The following CNPPD1 variants were observed in gnomAD, a reference collection of about 807,000 sequenced individuals.
The protein encoded by CNPPD1 is cyclin Pas1/PHO80 domain containing 1, also known as protein CNPPD1.
Under a neutral mutation model 43.7 loss-of-function variants are expected in CNPPD1, and 40 were observed. That is an observed-to-expected ratio of 0.92 (90% confidence interval 0.71 to 1.19). CNPPD1 has a LOEUF of 1.19. CNPPD1 is among the 50% of genes most tolerant of loss of function. The probability of loss-of-function intolerance (pLI) is 0.00; values close to 1 mark genes in which losing one functional copy is unlikely to be tolerated. For missense variants in CNPPD1, 511 were observed against 518.5 expected (o/e 0.99, Z 0.14); for synonymous variants, 208 against 214.3 (o/e 0.97, Z 0.26).
At chr2:219,174,300 T>G (rs912579532) in intron 5 of CNPPD1, 93 bp from the exon 6 acceptor site, 1 of 1,240,682 alleles carries the variant, frequency 8.1e-7, no homozygotes, top group Non-Finnish European at 1.2e-6. Context: ...ACCGCCCCTA[T>G]GGCTAATGCA....
Position 219,175,023 on chromosome 2 carries a change from G to A in CNPPD1, c.346C>T (p.His116Tyr). 1.2e-6 allele frequency: 2 copies of A among 1,614,092 alleles called. No homozygotes were observed. The highest frequency in any genetic ancestry group is 1.7e-6 in the Non-Finnish European group (2 of 1,180,034). The change falls in exon 4 of 8, where the codon CAT (histidine) becomes TAT (tyrosine). Residue 116 changes from histidine (H) to tyrosine (Y), a missense_variant. Transcript: ENST00000360507. ...LRHRNPDYLQ[H>Y]VSSSDLFLIS... ...AGGAACAAGTCAGAGGATGACACAT[G>A]CTGCAAGTAGTCTGGGTTTCGGTGC...
chr2:219,173,810 T>TCTTA (rs1248142744), intron 6 of CNPPD1, among the ~76,000 whole-genome samples: 1 of 152,250 alleles, frequency 6.6e-6, no homozygotes, highest in East Asian at 1.9e-4. Context: ...ATCTGGCTAG[T>TCTTA]ATTTTTTTCT....
At position 219,175,056 on chromosome 2, in the gene CNPPD1, G is replaced by A. The variant is rs551627689; in HGVS notation, c.313C>T (p.Arg105Trp). Reference sequence around the variant, plus strand: ...TAGTCTGGGTTTCGGTGCCGGAGCCGTTCAATGTACACCAGAGCCAGCATC... The same window carrying A: ...TAGTCTGGGTTTCGGTGCCGGAGCCATTCAATGTACACCAGAGCCAGCATC... Reference protein sequence around the residue: ...AMMLALVYIERLRHRNPDYLQ... With the variant: ...AMMLALVYIEWLRHRNPDYLQ... Residue 105 changes from arginine (R) to tryptophan (W), a missense_variant, in exon 4 of 8, where the codon CGG becomes TGG. Coordinates refer to ENST00000360507, the MANE Select transcript of CNPPD1 (RefSeq NM_015680.6). The A allele has an allele frequency of 3.8e-5, 61 of 1,613,136 alleles. No individual in the cohort carries two copies. Among genetic ancestry groups the A allele is most frequent in the Non-Finnish European group, 4.8e-5 (57 of 1,179,836 alleles).
At position 219,172,064 on chromosome 2, in the gene CNPPD1, G is replaced by A. The variant is rs1358547644; in HGVS notation, c.*522C>T. On this transcript the variant is annotated 3_prime_UTR_variant, in exon 8 of 8. Transcript: ENST00000360507. ...AGAAGACTGGAAGACAAAAGATCAGGGTTGAAGGTCCCAGCAGTCCTTGGC... is the reference window on the plus strand; with the variant it reads ...AGAAGACTGGAAGACAAAAGATCAGAGTTGAAGGTCCCAGCAGTCCTTGGC... The A allele has an allele frequency of 6.2e-6, 1 of 161,220 alleles. No individual in the cohort carries two copies. The highest frequency in any genetic ancestry group is 2.4e-5 in the African/African-American group (1 of 41,470). 10.0% of individuals were successfully genotyped at this position (161,220 alleles called of 1,614,324 possible).
intron 6 of CNPPD1, among the ~76,000 whole-genome samples, chr2:219,173,919 G>A (rs1274841140): frequency 2.6e-5 from 4 of 152,158 alleles, no homozygotes; most frequent in African/African-American, 7.2e-5. Context: ...TAGGATTATA[G>A]ACATAACTAC....
chr2:219,175,804 G>C (rs968808500), intron 2 of CNPPD1, 132 bp from the exon 3 acceptor site: 16 of 731,140 alleles, frequency 2.2e-5, no homozygotes, highest in African/African-American at 3.5e-5. Context: ...TAACAAAATA[G>C]AGATCAAATT....
chr2:219,175,060 A>C lies in CNPPD1; in HGVS notation c.309T>G (p.Ile103Met), dbSNP rs115111482. ...CTGGGTTTCGGTGCCGGAGCCGTTC[A>C]ATGTACACCAGAGCCAGCATCATAG... is the stretch of plus-strand genomic sequence containing the variant. ...PCAMMLALVY[I>M]ERLRHRNPDY... Residue 103 changes from isoleucine to methionine, a missense_variant, in exon 4 of 8, where the codon ATT (isoleucine) becomes ATG (methionine). By Grantham distance (10) the Ile-to-Met change is conservative. Transcript: ENST00000360507. 2.0e-5 allele frequency: 33 copies of C among 1,613,170 alleles called. No individual in the cohort carries two copies. Among genetic ancestry groups the C allele is most frequent in the Non-Finnish European group, 2.7e-5 (32 of 1,179,824 alleles).
In CNPPD1 at chr2:219,174,917, A is replaced by G; in HGVS notation, c.382-11T>C. ...CTTACTGGCCACCATCTGCAGAGGA[A>G]CCAGAAGTGGTGGAGCAGAGCTCAT... On this transcript the variant is annotated splice_polypyrimidine_tract_variant and intron_variant, in intron 4 of 7. Coordinates refer to ENST00000360507, the MANE Select transcript of CNPPD1 (RefSeq NM_015680.6). 2 of 1,614,128 alleles carry G rather than the reference A, an allele frequency of 1.2e-6. No individual in the cohort carries two copies. Among genetic ancestry groups the G allele is most frequent in the South Asian group, 2.2e-5 (2 of 91,072 alleles).
rs1950087133 is a variant in CNPPD1, at chr2:219,172,581, C to T, written c.*5G>A. On this transcript the variant is annotated 3_prime_UTR_variant, in exon 8 of 8. Transcript: ENST00000360507. Reference sequence around the variant, plus strand: ...ACCCTCTTAATGCATTCCTCACAGCCCTACCTAGCCTGGGAAAACGAAAGA... The same window carrying T: ...ACCCTCTTAATGCATTCCTCACAGCTCTACCTAGCCTGGGAAAACGAAAGA... 7 of 1,613,908 alleles carry T rather than the reference C, an allele frequency of 4.3e-6. No homozygotes were observed. The highest frequency in any genetic ancestry group is 5.9e-6 in the Non-Finnish European group (7 of 1,179,954).
At chr2:219,178,125 G>A, upstream of CNPPD1, 1 of 272,772 alleles carries the variant, frequency 3.7e-6, no homozygotes, top group Non-Finnish European at 6.8e-6. Flanking sequence ...ACGAACCTGT[G>A]TAGGCGCAGT....
At chr2:219,173,704 G>A (rs1034580920) in intron 6 of CNPPD1, among the ~76,000 whole-genome samples, 3 of 152,142 alleles carry the variant, frequency 2.0e-5, no homozygotes, top group African/African-American at 7.2e-5. Context: ...GTGCAGTAGT[G>A]CAATCATAGC....
At position 219,174,056 on chromosome 2, in the gene CNPPD1, C is replaced by T. The variant is rs1395800550; in HGVS notation, c.572+90G>A. ...TCTCTTTCTTGTCTCCTCCCTCCCC[C>T]AGTTACACAGACTCTCATCTCTAGC... On this transcript the variant is annotated intron_variant, in intron 6 of 7. Transcript: ENST00000360507. The T allele has an allele frequency of 4.1e-6, 5 of 1,225,446 alleles. No individual in the cohort carries two copies. The African/African-American group carries it at 7.4e-5, about 18-fold the overall frequency. 75.9% of individuals were successfully genotyped at this position (1,225,446 alleles called of 1,614,324 possible). A position where few individuals can be genotyped will look rare whatever the true frequency, so the allele number is the denominator to read the frequency against.
At chr2:219,176,957 T>TCGCCCTCGCAGCTCCCTCCCCCC, upstream of CNPPD1, 1 of 725,742 alleles carries the variant, frequency 1.4e-6, no homozygotes. Context: ...GTCCTCGCCC[T>TCGCCCTCGCAGCTCCCTCCCCCC]CGCCCTCGCA....
rs1183494885 is a variant in CNPPD1, at chr2:219,174,154, C to T, written c.564G>A (p.Leu188=). ...CAACTCCTAGAACCTACCAGCTCTC[C>T]AACCAGCTCAGCACCTCAAAGATCT... The part of the protein sequence containing the change: ...PREIFEVLSW[L]ESCVAEQQGR... Residue 188 remains leucine (L), a synonymous_variant, in exon 6 of 8, where the codon TTG becomes TTA. Transcript: ENST00000360507. 3 of 1,614,152 alleles carry T rather than the reference C, an allele frequency of 1.9e-6. No individual in the cohort carries two copies. Among genetic ancestry groups the T allele is most frequent in the Non-Finnish European group, 2.5e-6 (3 of 1,180,012 alleles).
In CNPPD1 at chr2:219,172,682, C is replaced by G; in HGVS notation, c.1137G>C (p.Trp379Cys). 6.2e-7 allele frequency: 1 copy of G among 1,614,086 alleles called. No individual in the cohort carries two copies. The highest frequency in any genetic ancestry group is 2.2e-5 in the East Asian group (1 of 44,884). ...HTYGLAPPWP[W>C]SPVLLSLPQP... ...GAGGAAGTGAAAGGAGCACCGGGCT[C>G]CAAGGCCAGGGGGGAGCCAGGCCAT... is the stretch of plus-strand genomic sequence containing the variant. Residue 379 changes from tryptophan to cysteine, a missense_variant, in exon 8 of 8, where the codon TGG becomes TGC. Coordinates refer to ENST00000360507, the MANE Select transcript of CNPPD1 (RefSeq NM_015680.6).
Position 219,176,728 on chromosome 2 carries a change from G to A in CNPPD1, c.69+32C>T, listed in dbSNP as rs765139544. The A allele has an allele frequency of 6.3e-6, 9 of 1,418,680 alleles. No homozygotes were observed. In the East Asian group the frequency reaches 1.0e-4, roughly 16 times the overall value. 87.9% of individuals were successfully genotyped at this position (1,418,680 alleles called of 1,614,324 possible). A position where few individuals can be genotyped will look rare whatever the true frequency, so the allele number is the denominator to read the frequency against. On this transcript the variant is annotated intron_variant, in intron 1 of 7. Transcript: ENST00000360507. ...GCTCAGGCCGGGAGGGGCGCGCCGGGAGGCCGGGGAGGGGGCGGGACCCCC... is the reference window on the plus strand; with the variant it reads ...GCTCAGGCCGGGAGGGGCGCGCCGGAAGGCCGGGGAGGGGGCGGGACCCCC...
upstream of CNPPD1, chr2:219,178,122 T>C (rs987712594): frequency 4.0e-6 from 1 of 248,502 alleles, no homozygotes; most frequent in Non-Finnish European, 7.2e-6. Context: ...AAAACGAACC[T>C]GTGTAGGCGC....
In CNPPD1 at chr2:219,176,252, C is replaced by A. The variant is rs374847365; in HGVS notation, c.149G>T (p.Ser50Ile). The part of the protein sequence containing the change: ...YYGWDWEADC[S>I]LEELSSPVAD... The stretch of plus-strand genomic sequence containing the variant: ...CACCGGGCTGGAGAGCTCCTCCAGG[C>A]TACAGTCGGCTTCCCAGTCCCAGCC... Residue 50 changes from serine to isoleucine, a missense_variant, in exon 2 of 8, where the codon AGC becomes ATC. Transcript: ENST00000360507. 2 of 1,613,996 alleles carry A rather than the reference C, an allele frequency of 1.2e-6. No individual in the cohort carries two copies. Among genetic ancestry groups the A allele is most frequent in the African/African-American group, 1.3e-5 (1 of 74,942 alleles).
rs958844408 is a variant in CNPPD1, at chr2:219,176,916, C to T, written c.-88G>A. 2.6e-5 allele frequency: 29 copies of T among 1,109,020 alleles called. 1 individual carries two copies. The Middle Eastern group carries it at 6.1e-4, about 23-fold the overall frequency. The allele number at this position is 1,109,020 out of a possible 1,614,324, so 68.7% of individuals were successfully genotyped here. ...GAGCTGTCCTTGCCCGCCTGTCCAC[C>T]TGCCAGCCTGCCTCCCCGGGGCGGG... On this transcript the variant is annotated 5_prime_UTR_variant, in exon 1 of 8. Coordinates refer to ENST00000360507, the MANE Select transcript of CNPPD1 (RefSeq NM_015680.6).
Sources: gnomAD v4.1 joint callset for allele counts (sites outside exome capture counted in the v4.1 genomes callset) on GRCh38, gnomAD v4.1.1 for gene constraint, MANE v1.5 for transcripts, NCBI Gene and HGNC (gene_info 2026-07-23, HGNC 2026-07-21) for gene names.